The following HECTD3 variants were observed in gnomAD, a reference collection of about 807,000 sequenced individuals.
HECTD3 encodes the protein E3 ubiquitin-protein ligase HECTD3.
A neutral mutation model predicts 109.3 loss-of-function variants in HECTD3; 72 were observed. The ratio of observed to expected loss-of-function variants is 0.66; its 90% CI spans 0.54 to 0.80. The LOEUF is 0.80. HECTD3 is among the 30% of genes least tolerant of loss of function. HECTD3 has a pLI of 0.00. For synonymous variants in HECTD3, 481 were observed against 471.8 expected (o/e 1.02, Z -0.25); for missense variants, 1,041 against 1,165.2 (o/e 0.89, Z 1.55).
In HECTD3 at chr1:45,006,733, T is replaced by TA; in HGVS notation, c.1683dup (p.Thr562TyrfsTer20). The TA allele has an allele frequency of 6.2e-7, 1 of 1,613,298 alleles. No individual in the cohort carries two copies. The highest frequency in any genetic ancestry group is 8.5e-7 in the Non-Finnish European group (1 of 1,179,726). ...ACAAAGAAGGGCAGGGGCACGGGGG[T>TA]ATCCGCTGAGCTAGGGCACAGCTCT... On this transcript the variant is annotated frameshift_variant, in exon 13 of 21. Transcript: ENST00000372172. LOFTEE classifies it high-confidence loss of function. The surrounding 1 kb of genome is among the most constrained non-coding windows in gnomAD (Gnocchi z 4.7).
chr1:45,008,744 G>A lies in HECTD3; in HGVS notation c.1073-43C>T, dbSNP rs772411959. On this transcript the variant is annotated intron_variant, in intron 7 of 20. Transcript: ENST00000372172. ...AGTAAGGTCATTTACAGCACCTGCTGCCTCCTTGGCCCTCAGACCTGGGAC... is the reference window on the plus strand; with the variant it reads ...AGTAAGGTCATTTACAGCACCTGCTACCTCCTTGGCCCTCAGACCTGGGAC... 11 of 1,581,986 alleles carry A rather than the reference G, an allele frequency of 7.0e-6. No individual in the cohort carries two copies. In the South Asian group the frequency reaches 1.1e-4, roughly 16 times the overall value.
Position 45,010,030 on chromosome 1 carries a change from T to A in HECTD3, c.715A>T (p.Ser239Cys). 6.4e-7 allele frequency: 1 copy of A among 1,559,038 alleles called. No individual in the cohort carries two copies. The highest frequency in any genetic ancestry group is 1.7e-4 in the Middle Eastern group (1 of 5,782). ...ATGCTCTCCACATACTGCTTCACGC[T>A]ACCCAGGTTCTCATCCTCCTTGCCC... The part of the protein sequence containing the change: ...HLGKEDENLG[S>C]VKQYVESIDV... The change falls in exon 4 of 21, where the codon AGC (serine) becomes TGC (cysteine). Residue 239 changes from serine to cysteine, a missense_variant. Coordinates refer to ENST00000372172, the MANE Select transcript of HECTD3 (RefSeq NM_024602.6).
rs1644700444 is a variant in HECTD3 at position 45,002,616 on chromosome 1, T to C, written c.*876A>G. 6.6e-6 allele frequency: 1 copy of C among 152,202 alleles called. No homozygotes were observed. Among genetic ancestry groups the C allele is most frequent in the South Asian group, 2.1e-4 (1 of 4,826 alleles). 9.4% of individuals were successfully genotyped at this position (152,202 alleles called of 1,614,324 possible). ...TTTTCATGGAGTGTCACGGAGGCCC[T>C]GAGGGAGGAACGGTAAACTGGGGCA... On this transcript the variant is annotated 3_prime_UTR_variant, in exon 21 of 21. Transcript: ENST00000372172.
At position 45,008,658 on chromosome 1, in the gene HECTD3, T is replaced by G. The variant is rs775681338; in HGVS notation, c.1116A>C (p.Ser372=). Residue 372 remains serine, a synonymous_variant, in exon 8 of 21, where the codon TCA becomes TCC. Transcript: ENST00000372172. ...DVRLRGVKIK[S]SRQRELGLNA... ...TCAACCCTAGTTCCCGCTGTCTAGA[T>G]GACTTGATCTTGACCCCTCGGAGAC... is the stretch of plus-strand genomic sequence containing the variant. 1.2e-5 allele frequency: 19 copies of G among 1,613,846 alleles called. No homozygotes were observed. Among genetic ancestry groups the G allele is most frequent in the Admixed American group, 1.0e-4 (6 of 59,994 alleles).
intron 10 of HECTD3, 67 bp from the exon 11 acceptor site, chr1:45,007,338 G>C: frequency 6.2e-7 from 1 of 1,603,024 alleles, no homozygotes; most frequent in Non-Finnish European, 8.5e-7. Flanking sequence ...CCAAGAACTT[G>C]TTCAGGTCCC....
Position 45,003,403 on chromosome 1 carries a change from C to A in HECTD3, c.*89G>T. The A allele has an allele frequency of 8.2e-7, 1 of 1,224,030 alleles. No homozygotes were observed. Among genetic ancestry groups the A allele is most frequent in the Non-Finnish European group, 1.2e-6 (1 of 836,660 alleles). The allele number at this position is 1,224,030 out of a possible 1,614,324, so 75.8% of individuals were successfully genotyped here. A position where few individuals can be genotyped will look rare whatever the true frequency, so the allele number is the denominator to read the frequency against. Reference sequence around the variant, plus strand: ...CATGGGGTTTTGCTGAGCACGTCAGCCAAACCAGGGCAGGGAAGGTGTCTT... The same window carrying A: ...CATGGGGTTTTGCTGAGCACGTCAGACAAACCAGGGCAGGGAAGGTGTCTT... On this transcript the variant is annotated 3_prime_UTR_variant, in exon 21 of 21. Transcript: ENST00000372172. The surrounding 1 kb of genome is among the most constrained non-coding windows in gnomAD (Gnocchi z 4.7).
At chr1:45,007,671 G>C (rs1250035518) in intron 9 of HECTD3, 76 bp from the exon 10 acceptor site, 2 of 1,226,790 alleles carry the variant, frequency 1.6e-6, no homozygotes, top group African/African-American at 3.0e-5. Flanking sequence ...TTTCCCCTCT[G>C]CCTGTATCCA....
rs200374828 is a variant in HECTD3 at position 45,003,470 on chromosome 1, G to A, written c.*22C>T. 2,359 of 1,609,380 alleles carry A rather than the reference G, an allele frequency of 1.5e-3. 3 individuals carry two copies. The highest frequency in any genetic ancestry group is 1.9e-3 in the Non-Finnish European group (2,198 of 1,175,864). On this transcript the variant is annotated 3_prime_UTR_variant, in exon 21 of 21. Transcript: ENST00000372172. The surrounding 1 kb of genome is among the most constrained non-coding windows in gnomAD (Gnocchi z 4.7). Reference sequence around the variant, plus strand: ...AAGAGGGACACGTGCAGTCTTGCTGGTCCCACAGCCGGCGGCACGCCTCAC... The same window carrying A: ...AAGAGGGACACGTGCAGTCTTGCTGATCCCACAGCCGGCGGCACGCCTCAC...
Position 45,003,627 on chromosome 1 carries a change from G to A in HECTD3, c.2501+42C>T. ...TCCCTACATCGCTACCAGGGGTGAT[G>A]GGGTCCCCTGGGCCCCAAATCGAGC... On this transcript the variant is annotated intron_variant, in intron 20 of 20. Coordinates refer to ENST00000372172, the MANE Select transcript of HECTD3 (RefSeq NM_024602.6). This position sits in a 1 kb window ranked among gnomAD's most constrained non-coding sequence, Gnocchi z 4.7. The A allele has an allele frequency of 6.2e-7, 1 of 1,612,054 alleles. No individual in the cohort carries two copies.
At chr1:45,005,188 C>G in intron 15 of HECTD3, 1 of 344,356 alleles carries the variant, frequency 2.9e-6, no homozygotes, top group South Asian at 2.8e-5. Flanking sequence ...TTTACAGATT[C>G]TGCATTCTAT....
Position 45,006,091 on chromosome 1 carries a change from TCCCGAGCCTCA to T in HECTD3, c.1740_1750del (p.Glu581HisfsTer15). On this transcript the variant is annotated frameshift_variant, in exon 14 of 21. Transcript: ENST00000372172. LOFTEE classifies it high-confidence loss of function. The surrounding 1 kb of genome is among the most constrained non-coding windows in gnomAD (Gnocchi z 4.7). ...GCAGGAGGGGTTGGGTACATACATG[TCCCGAGCCTCA>T]CCAGTGCCATTGCCCTGCCCCAGAG... 4 of 1,614,024 alleles carry T rather than the reference TCCCGAGCCTCA, an allele frequency of 2.5e-6. No homozygotes were observed. The highest frequency in any genetic ancestry group is 3.4e-6 in the Non-Finnish European group (4 of 1,179,956).
At chr1:45,005,117 C>T in intron 15 of HECTD3, 3 of 454,064 alleles carry the variant, frequency 6.6e-6, no homozygotes, top group South Asian at 6.5e-5. Context: ...CCTAAGGAAA[C>T]TGTGTGGCTG....
At chr1:45,008,766 G>A (rs894325436) in intron 7 of HECTD3, 65 bp from the exon 8 acceptor site, 87 of 1,512,510 alleles carry the variant, frequency 5.8e-5, no homozygotes, top group Non-Finnish European at 7.7e-5. Flanking sequence ...CTCAGACCTG[G>A]GACCGGCTCC....
At position 45,009,446 on chromosome 1, in the gene HECTD3, G is replaced by T. The variant is rs757424397; in HGVS notation, c.912C>A (p.Asn304Lys). The change falls in exon 6 of 21, where the codon AAC (asparagine) becomes AAA (lysine). Residue 304 changes from asparagine (N) to lysine (K), a missense_variant. Asn to Lys is a moderately conservative substitution (Grantham distance 94). Around this residue, in one of 2 missense-constraint regions of HECTD3, gnomAD observed 472 missense variants for 449.9 expected, o/e 1.05. Coordinates refer to ENST00000372172, the MANE Select transcript of HECTD3 (RefSeq NM_024602.6). ...AGACCACCACCCGCTTTGGCATAAA[G>T]TTGTCATCTGTGGTATCCACTGTGA... ...LLLTVDTTDD[N>K]FMPKRVVVYG... is the part of the protein sequence containing the mutation. 6.2e-7 allele frequency: 1 copy of T among 1,614,036 alleles called. No homozygotes were observed. The highest frequency in any genetic ancestry group is 1.3e-5 in the African/African-American group (1 of 74,928).
At position 45,004,266 on chromosome 1, in the gene HECTD3, C is replaced by G; in HGVS notation, c.2254G>C (p.Asp752His). The change falls in exon 17 of 21, where the codon GAT (aspartate) becomes CAT (histidine). Residue 752 changes from aspartate (D) to histidine (H), a missense_variant. By Grantham distance (81) the Asp-to-His change is moderately conservative. This residue lies in a region of HECTD3 where 569 missense variants were observed against 715.3 expected (regional missense o/e 0.80). Coordinates refer to ENST00000372172, the MANE Select transcript of HECTD3 (RefSeq NM_024602.6). Reference protein sequence around the residue: ...KVCGDPEVTVDALRKLTRFED... With the variant: ...KVCGDPEVTVHALRKLTRFED... ...AACTCACTGAGCTTGCGCAGAGCAT[C>G]CACAGTGACCTCTGGATCCCCACAC... is the stretch of plus-strand genomic sequence containing the variant. 6.2e-7 allele frequency: 1 copy of G among 1,614,070 alleles called. No individual in the cohort carries two copies. Among genetic ancestry groups the G allele is most frequent in the African/African-American group, 1.3e-5 (1 of 75,064 alleles).
In HECTD3 at chr1:45,006,761, T is replaced by C; in HGVS notation, c.1656A>G (p.Ser552=). 2 of 1,613,746 alleles carry C rather than the reference T, an allele frequency of 1.2e-6. No homozygotes were observed. The highest frequency in any genetic ancestry group is 1.7e-6 in the Non-Finnish European group (2 of 1,179,826). Residue 552 remains serine (S), a synonymous_variant, in exon 13 of 21, where the codon TCA becomes TCG. Coordinates refer to ENST00000372172, the MANE Select transcript of HECTD3 (RefSeq NM_024602.6). This position sits in a 1 kb window ranked among gnomAD's most constrained non-coding sequence, Gnocchi z 4.7. ...CCGCTGAGCTAGGGCACAGCTCTTCTGACATATCTGCCAGGCTGTCCCGGA... is the reference window on the plus strand; with the variant it reads ...CCGCTGAGCTAGGGCACAGCTCTTCCGACATATCTGCCAGGCTGTCCCGGA... ...GGFRDSLADM[S]EELCPSSADT...
rs1234216157 is a variant in HECTD3, at chr1:45,006,526, A to G, written c.1725+166T>C. 6.6e-6 allele frequency among the ~76,000 whole-genome samples: 1 copy of G among 150,758 alleles called. No individual in the cohort carries two copies. The highest frequency in any genetic ancestry group is 1.5e-5 in the Non-Finnish European group (1 of 67,722). ...ACTTCATTGGCCAGGCTGGTCTTGAACTCCTGACCTCGTGATCTGCCCGCC... is the reference window on the plus strand; with the variant it reads ...ACTTCATTGGCCAGGCTGGTCTTGAGCTCCTGACCTCGTGATCTGCCCGCC... On this transcript the variant is annotated intron_variant, in intron 13 of 20. Coordinates refer to ENST00000372172, the MANE Select transcript of HECTD3 (RefSeq NM_024602.6). This position sits in a 1 kb window ranked among gnomAD's most constrained non-coding sequence, Gnocchi z 4.7.
Position 45,006,141 on chromosome 1 carries a change from T to C in HECTD3, c.1726-25A>G. The C allele has an allele frequency of 6.2e-7, 1 of 1,609,136 alleles. No homozygotes were observed. The highest frequency in any genetic ancestry group is 8.5e-7 in the Non-Finnish European group (1 of 1,176,234). On this transcript the variant is annotated intron_variant, in intron 13 of 20. Transcript: ENST00000372172. The surrounding 1 kb of genome is among the most constrained non-coding windows in gnomAD (Gnocchi z 4.7). ...CCTGCCCCAGAGACAGAGCTGTGAG[T>C]GTGGCATGAGATACACCCTATTTTC...
chr1:45,011,011 C>G lies in HECTD3; in HGVS notation c.247G>C (p.Gly83Arg), dbSNP rs763164031. ...GCGCGGAGGGGCCCGGAGCCGGTAC[C>G]GGGGGCTGGGCCTGCGGCGCCCACA... ...LRVGAAGPAP[G>R]TGSGPLRAAR... The change falls in exon 1 of 21, where the codon GGT (glycine) becomes CGT (arginine). Residue 83 changes from glycine to arginine, a missense_variant. This residue lies in a region of HECTD3 where 472 missense variants were observed against 449.9 expected (regional missense o/e 1.05). Transcript: ENST00000372172. 85 of 1,441,976 alleles carry G rather than the reference C, an allele frequency of 5.9e-5. No individual in the cohort carries two copies. Among genetic ancestry groups the G allele is most frequent in the Admixed American group, 1.2e-4 (4 of 33,208 alleles). The allele number at this position is 1,441,976 out of a possible 1,614,324, so 89.3% of individuals were successfully genotyped here. A position where few individuals can be genotyped will look rare whatever the true frequency, so the allele number is the denominator to read the frequency against.
Sources: gnomAD v4.1 joint callset for allele counts (sites outside exome capture counted in the v4.1 genomes callset) on GRCh38, gnomAD v4.1.1 for gene constraint, gnomAD v4.1.1 regional missense constraint, Gnocchi (gnomAD v3.1) non-coding constraint, MANE v1.5 for transcripts, NCBI Gene and HGNC (gene_info 2026-07-23, HGNC 2026-07-21) for gene names.